The following SYNPO2L variants were observed in gnomAD, a reference collection of about 807,000 sequenced individuals.
The protein encoded by SYNPO2L is synaptopodin 2 like.
In SYNPO2L, 34 loss-of-function variants were observed where a neutral mutation model predicts 47.5. The ratio of observed to expected loss-of-function variants is 0.72; its 90% confidence interval spans 0.54 to 0.95. The LOEUF (loss-of-function observed/expected upper bound fraction) is 0.95. SYNPO2L is among the 40% of genes least tolerant of loss of function. The pLI is 0.00. For synonymous variants in SYNPO2L, 536 were observed against 524.9 expected, an observed-to-expected ratio of 1.02 and a Z score of -0.29; for missense variants, 1,246 against 1,282.0, an observed-to-expected ratio of 0.97 and a Z score of 0.43.
rs969780080 is a variant in SYNPO2L, at chr10:73,645,243, A to G, written c.*1475T>C. 7 of 1,102,108 alleles carry G rather than the reference A, an allele frequency of 6.4e-6. No individual in the cohort carries two copies. Among genetic ancestry groups the G allele is most frequent in the Non-Finnish European group, 7.8e-6 (7 of 893,218 alleles). 68.3% of individuals were successfully genotyped at this position (1,102,108 alleles called of 1,614,324 possible). A position where few individuals can be genotyped will look rare whatever the true frequency, so the allele number is the denominator to read the frequency against. On this transcript the variant is annotated 3_prime_UTR_variant, in exon 4 of 4. Coordinates refer to ENST00000394810, the MANE Select transcript of SYNPO2L (RefSeq NM_001114133.3). ...GCACACACCCTCACACCTCCCTTCC[A>G]CCATCATTCCCTTCCATTCTAACAT...
intron 3 of SYNPO2L, chr10:73,650,950 CTT>C: frequency 6.2e-7 from 1 of 1,613,886 alleles, no homozygotes; most frequent in Non-Finnish European, 8.5e-7. Context: ...GGGTCTGGGG[CTT>C]TGTCATAGCT....
In SYNPO2L at chr10:73,647,996, G is replaced by T; in HGVS notation, c.1656C>A (p.Ile552=). The T allele has an allele frequency of 6.4e-7, 1 of 1,570,388 alleles. No individual in the cohort carries two copies. The highest frequency in any genetic ancestry group is 1.4e-5 in the African/African-American group (1 of 73,700). Reference sequence around the variant, plus strand: ...GGGTGACAGGCCGACTAGGGGCTGGGATGTACAGGGAGCTGGTGGCTGTCA... The same window carrying T: ...GGGTGACAGGCCGACTAGGGGCTGGTATGTACAGGGAGCTGGTGGCTGTCA... ...GPVTATSSLY[I]PAPSRPVTPG... Residue 552 remains isoleucine (I), a synonymous_variant, in exon 4 of 4, where the codon ATC becomes ATA. Transcript: ENST00000394810.
At position 73,647,612 on chromosome 10, in the gene SYNPO2L, C is replaced by T; in HGVS notation, c.2040G>A (p.Gly680=). Residue 680 remains glycine, a synonymous_variant, in exon 4 of 4, where the codon GGG becomes GGA. Transcript: ENST00000394810. ...GCTGCATGAAGTTGCAGGCTTCAGC[C>T]CCGAGGCTCAGAGCATCTTCTTCAG... ...SGPEEDALSL[G]AEACNFMQPV... is the part of the protein sequence containing the mutation. The T allele has an allele frequency of 1.2e-5, 20 of 1,614,124 alleles. No individual in the cohort carries two copies. Among genetic ancestry groups the T allele is most frequent in the Non-Finnish European group, 1.7e-5 (20 of 1,180,000 alleles).
Position 73,647,116 on chromosome 10 carries a change from C to T in SYNPO2L, c.2536G>A (p.Ala846Thr). ...PRATPKQGIK[A>T]LDFMRHQPYQ... ...GGCTGATGCCGCATAAAATCTAGAG[C>T]CTTGATGCCCTGCTTGGGTGTTGCC... The change falls in exon 4 of 4, where the codon GCT becomes ACT. Residue 846 changes from alanine to threonine, a missense_variant. Ala to Thr is a moderately conservative substitution (Grantham distance 58). Around this residue, in one of 3 missense-constraint regions of SYNPO2L, gnomAD observed 1,037 missense variants for 1,021.5 expected, o/e 1.02. Transcript: ENST00000394810. The T allele has an allele frequency of 6.2e-7, 1 of 1,613,288 alleles. No individual in the cohort carries two copies. Among genetic ancestry groups the T allele is most frequent in the Admixed American group, 1.7e-5 (1 of 59,932 alleles).
rs925249140 is a variant in SYNPO2L, at chr10:73,647,756, G to A, written c.1896C>T (p.Thr632=). ...TTCCCGGCCGGAACATCTGCTTCCG[G>A]GTCCCCCGGCGCCGGGCCTCCTGCA... ...GILQEARRRG[T]RKQMFRPGKE... Residue 632 remains threonine (T), a synonymous_variant, in exon 4 of 4, where the codon ACC becomes ACT. Coordinates refer to ENST00000394810, the MANE Select transcript of SYNPO2L (RefSeq NM_001114133.3). 26 of 1,613,874 alleles carry A rather than the reference G, an allele frequency of 1.6e-5. No homozygotes were observed. In the South Asian group the frequency reaches 2.7e-4, roughly 17 times the overall value.
chr10:73,649,832 A>G (rs2081824569), intron 3 of SYNPO2L: 1 of 985,238 alleles, frequency 1.0e-6, no homozygotes, highest in South Asian at 4.7e-5. Flanking sequence ...GTCTCCATCC[A>G]AGATGCAGGA....
chr10:73,647,508 G>C lies in SYNPO2L; in HGVS notation c.2144C>G (p.Pro715Arg). 1 of 1,587,248 alleles carries C rather than the reference G, an allele frequency of 6.3e-7. No homozygotes were observed. Residue 715 changes from proline (P) to arginine (R), a missense_variant, in exon 4 of 4, where the codon CCC becomes CGC. By Grantham distance (103) the Pro-to-Arg change is moderately radical. Transcript: ENST00000394810. Reference protein sequence around the residue: ...TPPPMAPKTPPPMTPKTPPPV... With the variant: ...TPPPMAPKTPRPMTPKTPPPV... The stretch of plus-strand genomic sequence containing the variant: ...GGGTGGAGTCTTAGGAGTCATAGGG[G>C]GCGGGGTCTTGGGAGCCATTGGAGG...
At position 73,648,245 on chromosome 10, in the gene SYNPO2L, C is replaced by T. The variant is rs1257127134; in HGVS notation, c.1407G>A (p.Arg469=). The T allele has an allele frequency of 1.9e-6, 3 of 1,593,536 alleles. No individual in the cohort carries two copies. Among genetic ancestry groups the T allele is most frequent in the Non-Finnish European group, 2.6e-6 (3 of 1,173,814 alleles). The part of the protein sequence containing the change: ...PAPSIFNRSA[R]PFTPGLQGQR... Reference sequence around the variant, plus strand: ...GCCCTTGTAGGCCCGGGGTAAAGGGCCTGGCTGACCGGTTAAAGATGCTTG... The same window carrying T: ...GCCCTTGTAGGCCCGGGGTAAAGGGTCTGGCTGACCGGTTAAAGATGCTTG... Residue 469 remains arginine (R), a synonymous_variant, in exon 4 of 4, where the codon AGG becomes AGA. Coordinates refer to ENST00000394810, the MANE Select transcript of SYNPO2L (RefSeq NM_001114133.3).
At chr10:73,651,948 AC>A (rs1329805219) in intron 3 of SYNPO2L, among the ~76,000 whole-genome samples, 2 of 149,940 alleles carry the variant, frequency 1.3e-5, no homozygotes, top group Admixed American at 6.7e-5. Context: ...AGTGGCGGGC[AC>A]CTGTAATCCC....
In SYNPO2L at chr10:73,645,059, A is replaced by G. The variant is rs1419805035; in HGVS notation, c.*1659T>C. On this transcript the variant is annotated 3_prime_UTR_variant, in exon 4 of 4. Coordinates refer to ENST00000394810, the MANE Select transcript of SYNPO2L (RefSeq NM_001114133.3). ...CAGGACCTGAAGCTGAAAAGAAGCA[A>G]TAGCTGGGGTTTTGAGGGATGGGGT... 7.9e-7 allele frequency: 1 copy of G among 1,264,330 alleles called. No individual in the cohort carries two copies. Among genetic ancestry groups the G allele is most frequent in the Non-Finnish European group, 1.0e-6 (1 of 973,790 alleles). The allele number at this position is 1,264,330 out of a possible 1,614,324, so 78.3% of individuals were successfully genotyped here. A position where few individuals can be genotyped will look rare whatever the true frequency, so the allele number is the denominator to read the frequency against.
In SYNPO2L at chr10:73,645,714, C is replaced by T; in HGVS notation, c.*1004G>A. 1.0e-6 allele frequency: 1 copy of T among 985,988 alleles called. No homozygotes were observed. The highest frequency in any genetic ancestry group is 1.2e-6 in the Non-Finnish European group (1 of 830,044). The allele number at this position is 985,988 out of a possible 1,614,324, so 61.1% of individuals were successfully genotyped here. On this transcript the variant is annotated 3_prime_UTR_variant, in exon 4 of 4. Coordinates refer to ENST00000394810, the MANE Select transcript of SYNPO2L (RefSeq NM_001114133.3). The stretch of plus-strand genomic sequence containing the variant: ...CAAGATGCTGTACACCTGCTACAGA[C>T]ATTGGTCTCTAAGGAGTTATTCTCT...
chr10:73,650,972 G>T, intron 3 of SYNPO2L: 1 of 1,613,878 alleles, frequency 6.2e-7, no homozygotes, highest in Non-Finnish European at 8.5e-7. Flanking sequence ...TGGCTTGGCT[G>T]AGGGGCTCTT....
At position 73,648,418 on chromosome 10, in the gene SYNPO2L, C is replaced by T; in HGVS notation, c.1234G>A (p.Ala412Thr). The change falls in exon 4 of 4, where the codon GCC becomes ACC. Residue 412 changes from alanine to threonine, a missense_variant. This residue lies in a region of SYNPO2L where 1,037 missense variants were observed against 1,021.5 expected (regional missense o/e 1.02). Coordinates refer to ENST00000394810, the MANE Select transcript of SYNPO2L (RefSeq NM_001114133.3). ...TGCAGGCCTTCCCCGTTGAGCATGGCTGCTGGTTCGACCCGTGCCAGTTCC... is the reference window on the plus strand; with the variant it reads ...TGCAGGCCTTCCCCGTTGAGCATGGTTGCTGGTTCGACCCGTGCCAGTTCC... ...TQELARVEPA[A>T]MLNGEGLQSP... 1.2e-6 allele frequency: 2 copies of T among 1,608,096 alleles called. No individual in the cohort carries two copies. The highest frequency in any genetic ancestry group is 8.5e-7 in the Non-Finnish European group (1 of 1,179,828).
Position 73,655,942 on chromosome 10 carries a change from C to T in SYNPO2L, c.-20G>A. 2.6e-6 allele frequency: 4 copies of T among 1,542,678 alleles called. No homozygotes were observed. Among genetic ancestry groups the T allele is most frequent in the Non-Finnish European group, 3.5e-6 (4 of 1,142,498 alleles). On this transcript the variant is annotated 5_prime_UTR_variant, in exon 1 of 4. Coordinates refer to ENST00000394810, the MANE Select transcript of SYNPO2L (RefSeq NM_001114133.3). ...ACCCATCGCTCAGCTTGGCCTATGG[C>T]CCCCGGAGTTTGAACAGTGTCCCCA... is the stretch of plus-strand genomic sequence containing the variant.
chr10:73,650,964 G>A, intron 3 of SYNPO2L: 1 of 1,613,716 alleles, frequency 6.2e-7, no homozygotes, highest in East Asian at 2.2e-5. Flanking sequence ...GTCATAGCTG[G>A]CTTGGCTGAG....
intron 3 of SYNPO2L, 79 bp from the exon 4 acceptor site, chr10:73,648,958 C>T: frequency 7.1e-7 from 1 of 1,413,344 alleles, no homozygotes; most frequent in Admixed American, 2.9e-5. Flanking sequence ...TTTCACCCCC[C>T]ATCCCAGCAA....
At chr10:73,648,913 G>C (rs748713580) in intron 3 of SYNPO2L, 34 bp from the exon 4 acceptor site, 1 of 1,474,286 alleles carries the variant, frequency 6.8e-7, no homozygotes, top group Admixed American at 2.4e-5. Context: ...GGTCAGGGGG[G>C]CTTCCCAGCC....
chr10:73,647,838 T>TCAGGAGCCCCTGGGCCTGGGG lies in SYNPO2L; in HGVS notation c.1793_1813dup (p.Ala598_Pro604dup). On this transcript the variant is annotated inframe_insertion, in exon 4 of 4. Transcript: ENST00000394810. The stretch of plus-strand genomic sequence containing the variant: ...GCGCTGCTCGCGAGCGCTGGGGGGC[T>TCAGGAGCCCCTGGGCCTGGGG]CAGGAGCCCCTGGGCCTGGGGCAGG... 6.4e-7 allele frequency: 1 copy of TCAGGAGCCCCTGGGCCTGGGG among 1,568,786 alleles called. No individual in the cohort carries two copies. The highest frequency in any genetic ancestry group is 8.6e-7 in the Non-Finnish European group (1 of 1,158,578).
At position 73,648,837 on chromosome 10, in the gene SYNPO2L, T is replaced by A. The variant is rs1468667562; in HGVS notation, c.815A>T (p.Glu272Val). ...AESLQEKSIKEAKTKCRTIAS... is the reference protein window; with the variant it reads ...AESLQEKSIKVAKTKCRTIAS... ...AATTGTCCTGCATTTGGTCTTGGCC[T>A]CTTTTATGCTCTTCTCTTGGAGGCT... Residue 272 changes from glutamate to valine, a missense_variant, in exon 4 of 4, where the codon GAG becomes GTG. By Grantham distance (121) the Glu-to-Val change is moderately radical. Around this residue, in one of 3 missense-constraint regions of SYNPO2L, gnomAD observed 1,037 missense variants for 1,021.5 expected, o/e 1.02. Transcript: ENST00000394810. 1 of 1,546,688 alleles carries A rather than the reference T, an allele frequency of 6.5e-7. No individual in the cohort carries two copies.
Sources: allele counts gnomAD v4.1 joint callset (sites outside exome capture counted in the v4.1 genomes callset), GRCh38; gene constraint gnomAD v4.1.1; regional missense constraint gnomAD v4.1.1; transcripts MANE v1.5; gene names NCBI Gene and HGNC (gene_info 2026-07-23, HGNC 2026-07-21).